UNC13C: variants seen among roughly 807,000 people sequenced by gnomAD.
UNC13C encodes the protein unc-13 homolog C, also known as protein unc-13 homolog C.
In UNC13C, 174 loss-of-function variants were observed where a neutral mutation model predicts 245.4. The ratio of observed to expected loss-of-function variants is 0.71; its 90% CI spans 0.63 to 0.80. The LOEUF (loss-of-function observed/expected upper bound fraction) is 0.80, where lower values mean the gene tolerates loss of function less well. Ranked by LOEUF, UNC13C falls within the 30% of genes least tolerant of loss-of-function variation. UNC13C has a pLI of 0.00. For missense variants in UNC13C, 2,829 were observed against 2,602.9 expected, an observed-to-expected ratio of 1.09 and a Z score of -1.89; for synonymous variants, 992 against 895.1, an observed-to-expected ratio of 1.11 and a Z score of -1.93.
chr15:54,332,020 T>C, intron 14 of UNC13C, 23 bp from the exon 15 acceptor site: 1 of 1,516,960 alleles, frequency 6.6e-7, no homozygotes, highest in Non-Finnish European at 8.9e-7. Flanking sequence ...TCCATTCTCC[T>C]ATTTTGTGTT....
intron 13 of UNC13C, among the ~76,000 whole-genome samples, chr15:54,309,607 T>C (rs1056506168): frequency 6.6e-6 from 1 of 151,860 alleles, no homozygotes; most frequent in Non-Finnish European, 1.5e-5. Flanking sequence ...TTTTCCTCTA[T>C]GTTTTCTTCT....
chr15:54,275,861 C>T (rs543942425), intron 10 of UNC13C, among the ~76,000 whole-genome samples: 2 of 152,156 alleles, frequency 1.3e-5, no homozygotes, highest in African/African-American at 4.8e-5. Context: ...AACCCCAAGT[C>T]TTCATCAATA....
At chr15:54,624,004 C>T in intron 32 of UNC13C, 50 bp downstream of exon 32, 9 of 1,604,104 alleles carry the variant, frequency 5.6e-6, no homozygotes, top group Non-Finnish European at 7.7e-6. Flanking sequence ...AGTTACTGTA[C>T]AGCTGACCTT....
chr15:54,237,067 C>A (rs16974341), intron 6 of UNC13C, among the ~76,000 whole-genome samples: 23,827 of 151,892 alleles, frequency 0.16, 2,288 homozygotes, highest in African/African-American at 0.26. Flanking sequence ...ACTCAAGTTA[C>A]CAGCATCGAG....
intron 4 of UNC13C, among the ~76,000 whole-genome samples, chr15:54,144,278 C>T (rs547313403): frequency 3.3e-5 from 5 of 151,608 alleles, no homozygotes; most frequent in East Asian, 1.9e-4. Flanking sequence ...CATTTTTCTA[C>T]GTGTTTGCAA....
intron 29 of UNC13C, among the ~76,000 whole-genome samples, chr15:54,564,051 A>T (rs1479271134): frequency 6.6e-6 from 1 of 152,020 alleles, no homozygotes; most frequent in Non-Finnish European, 1.5e-5. Flanking sequence ...ATAACCATAG[A>T]AATCACCTTC....
chr15:54,184,968 T>C (rs1340212194), intron 4 of UNC13C, among the ~76,000 whole-genome samples: 3 of 152,190 alleles, frequency 2.0e-5, no homozygotes, highest in African/African-American at 7.2e-5. Flanking sequence ...TTCTAACTGG[T>C]GTGAGATGGT....
intron 24 of UNC13C, among the ~76,000 whole-genome samples, chr15:54,523,946 C>T (rs1454217514): frequency 6.6e-6 from 1 of 151,992 alleles, no homozygotes; most frequent in Non-Finnish European, 1.5e-5. Flanking sequence ...AGCACAATAA[C>T]AAGAAAATAT....
At chr15:54,038,124 A>ATAAAAATTT in intron 2 of UNC13C, among the ~76,000 whole-genome samples, 1 of 45,040 alleles carries the variant, frequency 2.2e-5, no homozygotes, top group African/African-American at 1.1e-4. Context: ...ATATATATAT[A>ATAAAAATTT]TTTTTTTTTT....
intron 19 of UNC13C, among the ~76,000 whole-genome samples, chr15:54,481,413 A>G (rs1434833293): frequency 1.3e-5 from 2 of 151,988 alleles, no homozygotes; most frequent in Non-Finnish European, 2.9e-5. Context: ...GCCTTTCCTA[A>G]TGCTCCTGGA....
At chr15:54,094,601 C>A (rs941948379) in intron 2 of UNC13C, among the ~76,000 whole-genome samples, 2 of 152,136 alleles carry the variant, frequency 1.3e-5, no homozygotes, top group Non-Finnish European at 2.9e-5. Flanking sequence ...TTCTTCCCAC[C>A]ATCTTAGATG....
At chr15:54,074,575 C>G (rs183536469) in intron 2 of UNC13C, among the ~76,000 whole-genome samples, 1 of 152,118 alleles carries the variant, frequency 6.6e-6, no homozygotes, top group African/African-American at 2.4e-5. Flanking sequence ...GTTTGTAGTT[C>G]TCCTTGAAGA....
chr15:54,297,159 G>A (rs560577686), intron 11 of UNC13C, among the ~76,000 whole-genome samples: 4 of 152,100 alleles, frequency 2.6e-5, no homozygotes, highest in African/African-American at 7.2e-5. Context: ...TTTATACACC[G>A]TTTTTCTTGA....
intron 2 of UNC13C, 21 bp from the exon 3 acceptor site, chr15:54,142,997 C>G (rs2032092500): frequency 6.2e-7 from 1 of 1,610,336 alleles, no homozygotes; most frequent in Non-Finnish European, 8.5e-7. Context: ...TTTATCCCTT[C>G]TTTTCCTGAT....
intron 2 of UNC13C, among the ~76,000 whole-genome samples, chr15:54,055,083 G>A (rs1897449454): frequency 6.6e-6 from 1 of 152,108 alleles, no homozygotes; most frequent in South Asian, 2.1e-4. Context: ...CATGCTGCTT[G>A]TTATATTACA....
intron 1 of UNC13C, among the ~76,000 whole-genome samples, chr15:53,981,428 C>G (rs1305271801): frequency 6.6e-6 from 1 of 152,106 alleles, no homozygotes; most frequent in Non-Finnish European, 1.5e-5. Context: ...ACTTTTATAG[C>G]TAGAAAGCCA....
At chr15:54,616,376 T>C (rs1348637308) in intron 30 of UNC13C, among the ~76,000 whole-genome samples, 6 of 148,876 alleles carry the variant, frequency 4.0e-5, no homozygotes, top group African/African-American at 9.9e-5. Flanking sequence ...AAGATTATAA[T>C]AACATAACAC....
intron 2 of UNC13C, among the ~76,000 whole-genome samples, chr15:54,021,526 T>C (rs779553441): frequency 2.0e-4 from 30 of 152,258 alleles, no homozygotes; most frequent in Non-Finnish European, 3.8e-4. Flanking sequence ...CAGATTCCTT[T>C]CTTTTTAAAG....
intron 2 of UNC13C, among the ~76,000 whole-genome samples, chr15:54,098,993 G>A (rs1000114085): frequency 6.6e-6 from 1 of 152,214 alleles, no homozygotes; most frequent in African/African-American, 2.4e-5. Context: ...GGCTTGCAAT[G>A]TGTTGCCTTA....
Sources: allele counts gnomAD v4.1 joint callset (sites outside exome capture counted in the v4.1 genomes callset), GRCh38; gene constraint gnomAD v4.1.1; transcripts MANE v1.5; gene names NCBI Gene and HGNC (gene_info 2026-07-23, HGNC 2026-07-21).